The following PKD2L2 variants were observed in gnomAD, a reference collection of about 807,000 sequenced individuals.
PKD2L2 encodes polycystin 2 like 2, transient receptor potential cation channel, also known as polycystin-2-like protein 2.
PKD2L2 carries 67 observed loss-of-function variants against 83.9 expected under a neutral mutation model. The observed-to-expected ratio is 0.80, with a 90% confidence interval of 0.66 to 0.98. PKD2L2 has a LOEUF of 0.98. Ranked by LOEUF, PKD2L2 falls within the 50% of genes least tolerant of loss-of-function variation. The pLI is 0.00. For missense variants in PKD2L2, 632 were observed against 717.2 expected (o/e 0.88, Z 1.36); for synonymous variants, 223 against 237.8 (o/e 0.94, Z 0.57).
At chr5:137,914,563 C>T (rs1368428119) in intron 8 of PKD2L2, among the ~76,000 whole-genome samples, 1 of 152,094 alleles carries the variant, frequency 6.6e-6, no homozygotes, top group Non-Finnish European at 1.5e-5. Context: ...TAAATAAGGT[C>T]ATATCATCTG....
chr5:137,930,408 C>T (rs1759767744), intron 12 of PKD2L2, among the ~76,000 whole-genome samples: 1 of 152,150 alleles, frequency 6.6e-6, no homozygotes, highest in African/African-American at 2.4e-5. Context: ...TGCAGTGGCT[C>T]ATGCCTGTAA....
chr5:137,892,591 G>T lies in PKD2L2; in HGVS notation c.245G>T (p.Arg82Leu). Residue 82 changes from arginine (R) to leucine (L), a missense_variant, in exon 3 of 15, where the codon CGC becomes CTC. By Grantham distance (102) the Arg-to-Leu change is moderately radical. Around this residue, in one of 3 missense-constraint regions of PKD2L2, gnomAD observed 229 missense variants for 281.5 expected, o/e 0.81. Coordinates refer to ENST00000508883, the MANE Select transcript of PKD2L2 (RefSeq NM_001300921.2). ...GEERTNFKSI[R>L]SITDFWKFME... ...GAAAGAACCAACTTTAAGTCCATTCGCAGCATAACTGATTTTTGGAAGGTA... is the reference window on the plus strand; with the variant it reads ...GAAAGAACCAACTTTAAGTCCATTCTCAGCATAACTGATTTTTGGAAGGTA... 2 of 1,611,020 alleles carry T rather than the reference G, an allele frequency of 1.2e-6. No homozygotes were observed. Among genetic ancestry groups the T allele is most frequent in the African/African-American group, 1.3e-5 (1 of 74,852 alleles).
At position 137,935,907 on chromosome 5, in the gene PKD2L2, A is replaced by C. The variant is rs1441858875; in HGVS notation, c.1782A>C (p.Arg594=). The C allele has an allele frequency of 6.7e-7, 1 of 1,488,504 alleles. No homozygotes were observed. Among genetic ancestry groups the C allele is most frequent in the Non-Finnish European group, 9.4e-7 (1 of 1,065,930 alleles). The allele number at this position is 1,488,504 out of a possible 1,614,324, so 92.2% of individuals were successfully genotyped here. The change falls in exon 13 of 15, where the codon CGA becomes CGC. Residue 594 remains arginine (R), a splice_region_variant and synonymous_variant. Transcript: ENST00000508883. ...DYQPVTQEEF[R]ELFLYAVELE... The stretch of plus-strand genomic sequence containing the variant: ...AGCCTGTCACTCAAGAAGAATTTCG[A>C]GAGTAAGCTTATGTTCTAACCAGAC...
intron 12 of PKD2L2, among the ~76,000 whole-genome samples, chr5:137,926,636 G>A (rs1224027622): frequency 1.3e-5 from 2 of 152,174 alleles, no homozygotes; most frequent in African/African-American, 4.8e-5. Flanking sequence ...TAGTAGCAAT[G>A]AGCACTAGTA....
chr5:137,926,671 A>G (rs1040966633), intron 12 of PKD2L2, among the ~76,000 whole-genome samples: 1 of 152,186 alleles, frequency 6.6e-6, no homozygotes, highest in Admixed American at 6.5e-5. Context: ...TCCAAATAGC[A>G]TTCTCCTCTA....
chr5:137,923,457 A>T lies in PKD2L2; in HGVS notation c.1487A>T (p.Glu496Val). 1 of 1,554,100 alleles carries T rather than the reference A, an allele frequency of 6.4e-7. No individual in the cohort carries two copies. Among genetic ancestry groups the T allele is most frequent in the Non-Finnish European group, 8.9e-7 (1 of 1,125,560 alleles). ...FLAIINDTYS[E>V]VKADYSIGRR... ...GCAATTATTAATGATACCTATTCTGAAGTGAAAGCTGACTATTCAATAGGC... is the reference window on the plus strand; with the variant it reads ...GCAATTATTAATGATACCTATTCTGTAGTGAAAGCTGACTATTCAATAGGC... Residue 496 changes from glutamate to valine, a missense_variant, in exon 10 of 15, where the codon GAA (glutamate) becomes GTA (valine). This residue lies in a region of PKD2L2 where 399 missense variants were observed against 416.9 expected (regional missense o/e 0.96). Transcript: ENST00000508883.
At chr5:137,920,488 G>A (rs185400030) in intron 8 of PKD2L2, among the ~76,000 whole-genome samples, 2 of 152,190 alleles carry the variant, frequency 1.3e-5, no homozygotes, top group East Asian at 1.9e-4. Flanking sequence ...GCCGGGCACA[G>A]TGGCTCATGC....
intron 12 of PKD2L2, among the ~76,000 whole-genome samples, chr5:137,934,637 G>A (rs1488249589): frequency 3.3e-5 from 5 of 152,000 alleles, no homozygotes; most frequent in African/African-American, 4.8e-5. Context: ...GGCGAAACCC[G>A]TCTCTACTAA....
chr5:137,921,894 T>C, intron 9 of PKD2L2, 138 bp downstream of exon 9: 2 of 681,000 alleles, frequency 2.9e-6, no homozygotes, highest in South Asian at 3.8e-5. Context: ...TCCCTAGTAA[T>C]CCAGGTTCAC....
chr5:137,917,165 T>TTC (rs1561694414), intron 8 of PKD2L2, among the ~76,000 whole-genome samples: 1 of 145,396 alleles, frequency 6.9e-6, no homozygotes. Flanking sequence ...CACTTTTCTT[T>TTC]TTTTTTTTTT....
intron 8 of PKD2L2, among the ~76,000 whole-genome samples, chr5:137,913,806 T>C (rs1758069171): frequency 2.0e-5 from 3 of 151,760 alleles, no homozygotes; most frequent in South Asian, 2.1e-4. Context: ...CCTCAGCCTC[T>C]CAAGTAACTG....
At chr5:137,904,727 T>C (rs913187970) in intron 5 of PKD2L2, among the ~76,000 whole-genome samples, 1 of 152,150 alleles carries the variant, frequency 6.6e-6, no homozygotes, top group South Asian at 2.1e-4. Flanking sequence ...AGTTTACCTA[T>C]ATAACAAACC....
At chr5:137,891,182 A>G (rs1056242830) in intron 2 of PKD2L2, among the ~76,000 whole-genome samples, 3 of 152,262 alleles carry the variant, frequency 2.0e-5, no homozygotes, top group African/African-American at 7.2e-5. Context: ...ACATAACAGT[A>G]GATGAAAGCT....
At chr5:137,912,805 C>CT (rs1200762684) in intron 8 of PKD2L2, among the ~76,000 whole-genome samples, 40 of 124,400 alleles carry the variant, frequency 3.2e-4, no homozygotes, top group Middle Eastern at 4.7e-3. Context: ...TTCTTTCTTT[C>CT]TTTTTTTTTT....
Position 137,890,530 on chromosome 5 carries a change from C to T in PKD2L2, c.81C>T (p.Thr27=). The change falls in exon 2 of 15, where the codon ACC becomes ACT. Residue 27 remains threonine, a synonymous_variant. Coordinates refer to ENST00000508883, the MANE Select transcript of PKD2L2 (RefSeq NM_001300921.2). ...ACAGAAAGGAAGTAGAAATTACAAC[C>T]ACACTTCAGGAATTGTTACTCTACT... ...LHYRKEVEIT[T]TLQELLLYFI... 6.3e-7 allele frequency: 1 copy of T among 1,588,678 alleles called. No homozygotes were observed. Among genetic ancestry groups the T allele is most frequent in the Non-Finnish European group, 8.6e-7 (1 of 1,166,070 alleles).
rs538463662 is a variant in PKD2L2, at chr5:137,942,036, T to C, written c.*18-348T>C. 7.4e-6 allele frequency: 12 copies of C among 1,613,636 alleles called. No homozygotes were observed. In the East Asian group the frequency reaches 2.5e-4, roughly 33 times the overall value. On this transcript the variant is annotated intron_variant, in intron 14 of 14. Coordinates refer to ENST00000508883, the MANE Select transcript of PKD2L2 (RefSeq NM_001300921.2). ...CTCTGGCTTTCCAAAGTTGTTCCAATAATTCAGGCCTAGAATTGAAATGGT... is the reference window on the plus strand; with the variant it reads ...CTCTGGCTTTCCAAAGTTGTTCCAACAATTCAGGCCTAGAATTGAAATGGT...
At chr5:137,914,537 T>A (rs1461502085) in intron 8 of PKD2L2, among the ~76,000 whole-genome samples, 1 of 152,198 alleles carries the variant, frequency 6.6e-6, no homozygotes, top group Non-Finnish European at 1.5e-5. Context: ...TTTGGTGGAA[T>A]CTTTAAGGGT....
intron 8 of PKD2L2, among the ~76,000 whole-genome samples, chr5:137,914,382 A>T (rs1758135345): frequency 6.6e-6 from 1 of 152,150 alleles, no homozygotes; most frequent in South Asian, 2.1e-4. Context: ...CAGTAAATAT[A>T]ATTCAAATAT....
At chr5:137,913,933 TC>T in intron 8 of PKD2L2, among the ~76,000 whole-genome samples, 1 of 148,656 alleles carries the variant, frequency 6.7e-6, no homozygotes, top group Non-Finnish European at 1.5e-5. Flanking sequence ...AATGGTGTGA[TC>T]CCGACTCACT....
Sources: gnomAD v4.1 joint callset for allele counts (sites outside exome capture counted in the v4.1 genomes callset) on GRCh38, gnomAD v4.1.1 for gene constraint, gnomAD v4.1.1 regional missense constraint, MANE v1.5 for transcripts, NCBI Gene and HGNC (gene_info 2026-07-23, HGNC 2026-07-21) for gene names.